PCSK6: variants seen among roughly 807,000 people sequenced by gnomAD.
PCSK6 encodes paired basic amino acid cleaving enzyme 4.
PCSK6 carries 85 observed loss-of-function variants against 123.3 expected under a neutral mutation model. That is an observed-to-expected ratio of 0.69 (90% confidence interval 0.58 to 0.83). PCSK6 has a LOEUF of 0.83. Ranked by LOEUF, PCSK6 falls within the 40% of genes least tolerant of loss-of-function variation. The probability of loss-of-function intolerance (pLI) is 0.00; values close to 1 mark genes in which losing one functional copy is unlikely to be tolerated. For missense variants in PCSK6, 1,191 were observed against 1,282.3 expected (o/e 0.93, Z 1.09); for synonymous variants, 508 against 516.0 (o/e 0.98, Z 0.21).
intron 6 of PCSK6, among the ~76,000 whole-genome samples, chr15:101,407,002 G>A (rs116417436): frequency 3.1e-3 from 477 of 152,222 alleles, no homozygotes; most frequent in African/African-American, 0.01. Context: ...TGTGTCTGGC[G>A]TCCCATCTCC....
At chr15:101,329,288 C>T (rs1000963141) in intron 15 of PCSK6, among the ~76,000 whole-genome samples, 7 of 152,196 alleles carry the variant, frequency 4.6e-5, no homozygotes, top group Non-Finnish European at 1.0e-4. Context: ...TGTGCTTTGC[C>T]GTTGCGCGCT....
chr15:101,347,955 G>C (rs556209585), intron 13 of PCSK6, among the ~76,000 whole-genome samples: 1 of 152,312 alleles, frequency 6.6e-6, no homozygotes, highest in African/African-American at 2.4e-5. Flanking sequence ...CTTAGCTGGG[G>C]GAAGTCTTCC....
intron 8 of PCSK6, among the ~76,000 whole-genome samples, 159 bp downstream of exon 8, chr15:101,393,053 C>T (rs4965844): frequency 0.85 from 128,808 of 152,212 alleles, 54,721 homozygotes; most frequent in Middle Eastern, 0.87. Flanking sequence ...GGGTTTACCT[C>T]CAGGCTCAAA....
intron 6 of PCSK6, among the ~76,000 whole-genome samples, chr15:101,402,835 A>C (rs1386233303): frequency 6.6e-6 from 1 of 152,154 alleles, no homozygotes; most frequent in East Asian, 1.9e-4. Context: ...ACTGTAAACT[A>C]GTTCAACCAT....
At chr15:101,384,011 A>G (rs978863000) in intron 10 of PCSK6, 33 of 674,616 alleles carry the variant, frequency 4.9e-5, no homozygotes, top group Non-Finnish European at 5.9e-5. Context: ...CTGCGACTAT[A>G]GGCACACGTC....
intron 8 of PCSK6, 90 bp downstream of exon 8, chr15:101,393,122 A>T: frequency 9.3e-7 from 1 of 1,079,868 alleles, no homozygotes; most frequent in Non-Finnish European, 1.4e-6. Flanking sequence ...GCCTCAATCT[A>T]AGCCATCTTT....
chr15:101,462,050 T>A (rs144343925), intron 1 of PCSK6, among the ~76,000 whole-genome samples: 1 of 152,358 alleles, frequency 6.6e-6, no homozygotes, highest in Non-Finnish European at 1.5e-5. Context: ...ATGATATGAC[T>A]ATCTACATAG....
intron 15 of PCSK6, among the ~76,000 whole-genome samples, chr15:101,327,411 C>T (rs771721044): frequency 3.3e-5 from 5 of 152,246 alleles, no homozygotes; most frequent in South Asian, 2.1e-4. Context: ...GCAGGAGTGA[C>T]GCCTGAAGCT....
At chr15:101,329,191 T>C (rs915500133) in intron 15 of PCSK6, among the ~76,000 whole-genome samples, 1 of 152,178 alleles carries the variant, frequency 6.6e-6, no homozygotes, top group African/African-American at 2.4e-5. Flanking sequence ...ATTTGAAAAC[T>C]CCACCTTCAA....
At chr15:101,380,204 C>T (rs1184966454) in intron 11 of PCSK6, among the ~76,000 whole-genome samples, 1 of 152,174 alleles carries the variant, frequency 6.6e-6, no homozygotes, top group African/African-American at 2.4e-5. Context: ...GTCTAGACTC[C>T]GTGTGCTTTC....
chr15:101,340,460 G>A (rs1232612813), intron 13 of PCSK6, among the ~76,000 whole-genome samples: 2 of 152,186 alleles, frequency 1.3e-5, no homozygotes, highest in South Asian at 2.1e-4. Flanking sequence ...TATCTTTTAA[G>A]ATGCTCCAGC....
intron 4 of PCSK6, 24 bp downstream of exon 4, chr15:101,431,296 T>C (rs1035201274): frequency 6.2e-7 from 1 of 1,612,806 alleles, no homozygotes. Context: ...TATATTTGCA[T>C]GTCAGTTCCG....
chr15:101,360,391 C>G (rs2041176242), intron 13 of PCSK6, among the ~76,000 whole-genome samples: 1 of 152,216 alleles, frequency 6.6e-6, no homozygotes, highest in African/African-American at 2.4e-5. Flanking sequence ...TCCCTATGCT[C>G]TCAATGCCTG....
intron 13 of PCSK6, among the ~76,000 whole-genome samples, chr15:101,356,205 G>C (rs114483858): frequency 2.5e-4 from 38 of 152,348 alleles, no homozygotes; most frequent in African/African-American, 8.9e-4. Context: ...AGCTCTGCCT[G>C]CACCGTTGCC....
Position 101,370,436 on chromosome 15 carries a change from C to A in PCSK6, c.1620G>T (p.Glu540Asp). The change falls in exon 12 of 22, where the codon GAG becomes GAT. Residue 540 changes from glutamate to aspartate, a missense_variant. By Grantham distance (45) the Glu-to-Asp change is conservative (BLOSUM62 2). Coordinates refer to ENST00000611716, the MANE Select transcript of PCSK6 (RefSeq NM_002570.5). ...AGATGGAGGTGCGAACCACCACGTG[C>A]TCCAAGTAGACCACCCGCTGGTCCG... The part of the protein sequence containing the change: ...EHSDQRVVYL[E>D]HVVVRTSISH... 1 of 1,551,978 alleles carries A rather than the reference C, an allele frequency of 6.4e-7. No individual in the cohort carries two copies. The highest frequency in any genetic ancestry group is 8.7e-7 in the Non-Finnish European group (1 of 1,147,124).
chr15:101,466,098 G>C (rs1435401985), intron 1 of PCSK6, among the ~76,000 whole-genome samples: 1 of 152,062 alleles, frequency 6.6e-6, no homozygotes. Flanking sequence ...ACACCATCAA[G>C]AAAGTGAAAA....
intron 15 of PCSK6, 86 bp downstream of exon 15, chr15:101,331,565 C>T (rs2141371041): frequency 1.6e-6 from 2 of 1,285,626 alleles, no homozygotes; most frequent in South Asian, 2.5e-5. Context: ...TACCAGGGGG[C>T]AAGACCCCAT....
chr15:101,480,167 T>C (rs765894038), intron 1 of PCSK6, among the ~76,000 whole-genome samples: 43 of 152,230 alleles, frequency 2.8e-4, no homozygotes, highest in Non-Finnish European at 5.7e-4. Flanking sequence ...TTGGGCTGTT[T>C]CTGCCCACTC....
rs767594615 is a variant in PCSK6, at chr15:101,331,685, T to C, written c.2043A>G (p.Gln681=). 24 of 1,613,416 alleles carry C rather than the reference T, an allele frequency of 1.5e-5. No individual in the cohort carries two copies. In the East Asian group the frequency reaches 2.2e-4, roughly 15 times the overall value. ...AAATATTAGCAGAGCCTGGGGTGGA[T>C]TGAGCTGTGTGAGTGCAAATTGCCA... is the stretch of plus-strand genomic sequence containing the variant. ...VPEDEEDYTA[Q]STPGSANILQ... The change falls in exon 15 of 22, where the codon CAA becomes CAG. Residue 681 remains glutamine (Q), a synonymous_variant. Transcript: ENST00000611716.
Sources: gnomAD v4.1 joint callset for allele counts (sites outside exome capture counted in the v4.1 genomes callset) on GRCh38, gnomAD v4.1.1 for gene constraint, MANE v1.5 for transcripts, NCBI Gene and HGNC (gene_info 2026-07-23, HGNC 2026-07-21) for gene names.